Variants in NID2 observed in about 807,000 individuals in gnomAD.
NID2 encodes the protein nidogen-2.
NID2 carries 83 observed loss-of-function variants against 145.4 expected under a neutral mutation model. That is an observed-to-expected ratio of 0.57 (90% CI 0.48 to 0.69). The LOEUF (loss-of-function observed/expected upper bound fraction) is 0.69. Among genes scored for constraint, NID2 ranks in the 30% least tolerant of loss-of-function variants. The pLI, the probability that NID2 is intolerant of heterozygous loss-of-function variation, is 0.00. For synonymous variants in NID2, 739 were observed against 701.3 expected (o/e 1.05, Z -0.85); for missense variants, 1,807 against 1,765.7 (o/e 1.02, Z -0.42).
chr14:52,060,748 C>A (rs1204509050), intron 2 of NID2, among the ~76,000 whole-genome samples: 1 of 152,192 alleles, frequency 6.6e-6, no homozygotes, highest in African/African-American at 2.4e-5. Flanking sequence ...TAGTTTATAA[C>A]CCTAGGCACT....
At chr14:52,010,089 A>C (rs1249182582) in intron 18 of NID2, 2 of 152,244 alleles carry the variant, frequency 1.3e-5, no homozygotes, top group Non-Finnish European at 2.9e-5. Flanking sequence ...ATTCCTGTTA[A>C]GTCAACTGGA....
At chr14:52,025,454 A>G (rs113024192) in intron 12 of NID2, among the ~76,000 whole-genome samples, 146 of 152,366 alleles carry the variant, frequency 9.6e-4, no homozygotes, top group African/African-American at 3.3e-3. Context: ...CAAGACACAC[A>G]GGAATCCCAA....
chr14:52,009,075 G>T (rs778613016), intron 18 of NID2: 1 of 152,154 alleles, frequency 6.6e-6, no homozygotes, highest in African/African-American at 2.4e-5. Context: ...GAATAAATCA[G>T]TTGGGCTACA....
At chr14:52,031,198 T>A (rs1891857263) in intron 9 of NID2, among the ~76,000 whole-genome samples, 1 of 151,088 alleles carries the variant, frequency 6.6e-6, no homozygotes, top group African/African-American at 2.4e-5. Flanking sequence ...TCAGGTAGAA[T>A]GAATCTATCA....
rs747961779 is a variant in NID2 at position 52,053,836 on chromosome 14, G to T, written c.1172C>A (p.Thr391Asn). The T allele has an allele frequency of 6.2e-7, 1 of 1,614,100 alleles. No individual in the cohort carries two copies. The highest frequency in any genetic ancestry group is 1.1e-5 in the South Asian group (1 of 91,078). ...TACCTCTGGTGGAGCTGGGCTTCTGGTCTCTCTCTCATCCCAGGGCTCAAC... is the reference window on the plus strand; with the variant it reads ...TACCTCTGGTGGAGCTGGGCTTCTGTTCTCTCTCTCATCCCAGGGCTCAAC... ...GQVEPWDERE[T>N]RSPAPPEVDR... The change falls in exon 5 of 22, where the codon ACC (threonine) becomes AAC (asparagine). Residue 391 changes from threonine to asparagine, a missense_variant. Physicochemically the swap from Thr to Asn is moderately conservative, Grantham distance 65. Coordinates refer to ENST00000216286, the MANE Select transcript of NID2 (RefSeq NM_007361.4).
intron 9 of NID2, among the ~76,000 whole-genome samples, chr14:52,030,567 A>AGAAAGAAAGAACGAACGAAC (rs66551436): frequency 1.0e-5 from 1 of 99,272 alleles, no homozygotes; most frequent in Admixed American, 1.3e-4. Flanking sequence ...AAAGAAAGAA[A>AGAAAGAAAGAACGAACGAAC]GGAAGGAAGG....
intron 12 of NID2, among the ~76,000 whole-genome samples, chr14:52,026,489 C>G (rs1216016599): frequency 1.3e-5 from 2 of 152,186 alleles, no homozygotes; most frequent in Non-Finnish European, 2.9e-5. Context: ...GAGTTTCAAT[C>G]TGATCACATA....
At chr14:52,041,913 G>A (rs1227974432) in intron 7 of NID2, among the ~76,000 whole-genome samples, 192 bp downstream of exon 7, 1 of 152,182 alleles carries the variant, frequency 6.6e-6, no homozygotes, top group African/African-American at 2.4e-5. Flanking sequence ...CGAAATCACT[G>A]CCTTTCAAAA....
chr14:52,047,029 T>C (rs1249096392), intron 5 of NID2, among the ~76,000 whole-genome samples: 1 of 152,236 alleles, frequency 6.6e-6, no homozygotes, highest in Non-Finnish European at 1.5e-5. Flanking sequence ...AAATGCTTCT[T>C]ACAATTTTTG....
At chr14:52,040,912 T>C in intron 7 of NID2, 61 bp from the exon 8 acceptor site, 2 of 1,468,510 alleles carry the variant, frequency 1.4e-6, no homozygotes, top group Non-Finnish European at 1.9e-6. Flanking sequence ...CAGTTACCAG[T>C]ATATACTGCC....
At chr14:52,038,295 T>C (rs1174008852) in intron 9 of NID2, among the ~76,000 whole-genome samples, 3 of 152,234 alleles carry the variant, frequency 2.0e-5, no homozygotes, top group Non-Finnish European at 4.4e-5. Flanking sequence ...AGCTCTTTGC[T>C]CCACCTTAGT....
Position 52,060,359 on chromosome 14 carries a change from G to T in NID2, c.535-3C>A, listed in dbSNP as rs771807058. On this transcript the variant is annotated splice_region_variant and splice_polypyrimidine_tract_variant and intron_variant, in intron 2 of 21. Coordinates refer to ENST00000216286, the MANE Select transcript of NID2 (RefSeq NM_007361.4). The stretch of plus-strand genomic sequence containing the variant: ...AAAACTGCCTGGAAAGTGTTCAGCT[G>T]TGAGGAAAAAAAAAAAAAAAGAGAG... The T allele has an allele frequency of 2.2e-5, 26 of 1,163,718 alleles. No individual in the cohort carries two copies. The highest frequency in any genetic ancestry group is 2.6e-5 in the Non-Finnish European group (23 of 876,846). The allele number at this position is 1,163,718 out of a possible 1,614,324, so 72.1% of individuals were successfully genotyped here. A position where few individuals can be genotyped will look rare whatever the true frequency, so the allele number is the denominator to read the frequency against.
intron 12 of NID2, among the ~76,000 whole-genome samples, chr14:52,022,849 T>C (rs1365911033): frequency 6.6e-6 from 1 of 152,168 alleles, no homozygotes; most frequent in African/African-American, 2.4e-5. Flanking sequence ...CCTTCACCAC[T>C]GCCCACTTGC....
At chr14:52,030,516 AAAAGAAAGAAAG>A (rs535564581) in intron 9 of NID2, among the ~76,000 whole-genome samples, 53 of 63,080 alleles carry the variant, frequency 8.4e-4, no homozygotes, top group African/African-American at 2.3e-3. Flanking sequence ...AGAAAGAAAG[AAAAGAAAGAAAG>A]AAAGAAAGAA....
Position 52,027,352 on chromosome 14 carries a change from G to A in NID2, c.2531-8C>T, listed in dbSNP as rs1566752795. 3 of 1,539,608 alleles carry A rather than the reference G, an allele frequency of 1.9e-6. No individual in the cohort carries two copies. The highest frequency in any genetic ancestry group is 2.6e-6 in the Non-Finnish European group (3 of 1,144,924). Reference sequence around the variant, plus strand: ...TGGCAGGTGGGGTGATCACTGAAAAGAGAAGAAGATAAGGGCATCCAGAGT... The same window carrying A: ...TGGCAGGTGGGGTGATCACTGAAAAAAGAAGAAGATAAGGGCATCCAGAGT... On this transcript the variant is annotated splice_polypyrimidine_tract_variant and splice_region_variant and intron_variant, in intron 11 of 21. Transcript: ENST00000216286.
intron 3 of NID2, among the ~76,000 whole-genome samples, chr14:52,059,499 A>G (rs944195710): frequency 6.6e-5 from 10 of 152,240 alleles, no homozygotes; most frequent in Admixed American, 6.5e-4. Flanking sequence ...CACTATCTGT[A>G]CTGGCAAAAT....
chr14:52,035,391 G>C (rs1321052059), intron 9 of NID2, among the ~76,000 whole-genome samples: 1 of 152,164 alleles, frequency 6.6e-6, no homozygotes, highest in Non-Finnish European at 1.5e-5. Context: ...CAGACTAGCT[G>C]CTTTCACAGA....
Position 52,014,363 on chromosome 14 carries a change from C to T in NID2, c.3344G>A (p.Gly1115Asp). 4 of 1,614,230 alleles carry T rather than the reference C, an allele frequency of 2.5e-6. No individual in the cohort carries two copies. Among genetic ancestry groups the T allele is most frequent in the Non-Finnish European group, 3.4e-6 (4 of 1,180,042 alleles). The change falls in exon 16 of 22, where the codon GGC becomes GAC. Residue 1115 changes from glycine to aspartate, a missense_variant. Physicochemically the swap from Gly to Asp is moderately conservative, Grantham distance 94 (BLOSUM62 -1). Coordinates refer to ENST00000216286, the MANE Select transcript of NID2 (RefSeq NM_007361.4). ...SVGTFLLYTQGQQIGYLPLNG... is the reference protein window; with the variant it reads ...SVGTFLLYTQDQQIGYLPLNG... ...GAGGGGTAAGTAGCCAATCTGCTGG[C>T]CCTGAGTATAGAGCAGGAAGGTGCC...
At chr14:52,018,393 C>T (rs1891289423) in intron 14 of NID2, among the ~76,000 whole-genome samples, 2 of 152,126 alleles carry the variant, frequency 1.3e-5, no homozygotes, top group Non-Finnish European at 2.9e-5. Flanking sequence ...CCTTATCTGC[C>T]TGCTGTTGGA....
Sources: allele counts gnomAD v4.1 joint callset (sites outside exome capture counted in the v4.1 genomes callset), GRCh38; gene constraint gnomAD v4.1.1; transcripts MANE v1.5; gene names NCBI Gene and HGNC (gene_info 2026-07-23, HGNC 2026-07-21).